The following SLC9C2 variants were observed in gnomAD, a reference collection of about 807,000 sequenced individuals.
SLC9C2 encodes the protein sodium/hydrogen exchanger 11.
SLC9C2 carries 75 observed loss-of-function variants against 140.2 expected under a neutral mutation model. That is an observed-to-expected ratio of 0.53 (90% confidence interval 0.44 to 0.65). The LOEUF (loss-of-function observed/expected upper bound fraction) is 0.65. SLC9C2 is among the 30% of genes least tolerant of loss of function. The probability of loss-of-function intolerance (pLI) is 0.00; values close to 1 mark genes in which losing one functional copy is unlikely to be tolerated. For synonymous variants in SLC9C2, 375 were observed against 420.9 expected (o/e 0.89, Z 1.34); for missense variants, 1,074 against 1,331.8 (o/e 0.81, Z 3.01).
intron 13 of SLC9C2, among the ~76,000 whole-genome samples, chr1:173,540,551 G>A (rs949858129): frequency 6.6e-6 from 1 of 152,186 alleles, no homozygotes; most frequent in African/African-American, 2.4e-5. Flanking sequence ...GAGCAGTGGG[G>A]AAACTGTAGC....
chr1:173,557,611 G>A lies in SLC9C2; in HGVS notation c.1047-103C>T, dbSNP rs1465330183. Reference sequence around the variant, plus strand: ...ACTAAATTTAATATAAAAATTTTCGGGAAAGAAAAAAACAATGCAATTTAC... The same window carrying A: ...ACTAAATTTAATATAAAAATTTTCGAGAAAGAAAAAAACAATGCAATTTAC... On this transcript the variant is annotated intron_variant, in intron 9 of 27. Coordinates refer to ENST00000367714, the MANE Select transcript of SLC9C2 (RefSeq NM_178527.4). 1.1e-5 allele frequency: 13 copies of A among 1,135,886 alleles called. No homozygotes were observed. The Admixed American group carries it at 1.9e-4, about 16-fold the overall frequency. The allele number at this position is 1,135,886 out of a possible 1,614,324, so 70.4% of individuals were successfully genotyped here. A position where few individuals can be genotyped will look rare whatever the true frequency, so the allele number is the denominator to read the frequency against.
intron 23 of SLC9C2, among the ~76,000 whole-genome samples, chr1:173,515,016 G>A (rs1372351925): frequency 6.6e-6 from 1 of 152,182 alleles, no homozygotes; most frequent in Admixed American, 6.5e-5. Flanking sequence ...TCGGCGGAGA[G>A]GTCCACTGTT....
At position 173,524,909 on chromosome 1, in the gene SLC9C2, C is replaced by T; in HGVS notation, c.2384G>A (p.Gly795Asp). Residue 795 changes from glycine to aspartate, a missense_variant, in exon 20 of 28, where the codon GGT (glycine) becomes GAT (aspartate). Gly to Asp is a moderately conservative substitution (Grantham distance 94). Transcript: ENST00000367714. ...VKELVLMEHE[G>D]RDVVIALKTK... is the part of the protein sequence containing the mutation. ...CTTCAAAGCAATGACAACATCACGA[C>T]CCTCATGCTCCATGAGTACTACAGC... 6.2e-7 allele frequency: 1 copy of T among 1,614,050 alleles called. No homozygotes were observed. Among genetic ancestry groups the T allele is most frequent in the African/African-American group, 1.3e-5 (1 of 75,028 alleles).
In SLC9C2 at chr1:173,500,596, A is replaced by G. The variant is rs186860058; in HGVS notation, c.*498T>C. 5 of 152,374 alleles carry G rather than the reference A, an allele frequency of 3.3e-5. No individual in the cohort carries two copies. In the East Asian group the frequency reaches 9.6e-4, roughly 29 times the overall value. The allele number at this position is 152,374 out of a possible 1,614,324, so 9.4% of individuals were successfully genotyped here. A position where few individuals can be genotyped will look rare whatever the true frequency, so the allele number is the denominator to read the frequency against. ...GAAAGCAAAAGTTACTTACTTACTG[A>G]AAGTTACTAAGATTGTGGAATATAA... On this transcript the variant is annotated 3_prime_UTR_variant, in exon 28 of 28. Coordinates refer to ENST00000367714, the MANE Select transcript of SLC9C2 (RefSeq NM_178527.4).
intron 8 of SLC9C2, 42 bp from the exon 9 acceptor site, chr1:173,573,367 T>C (rs1162601292): frequency 1.5e-6 from 2 of 1,334,024 alleles, no homozygotes; most frequent in Admixed American, 2.4e-5. Flanking sequence ...AGCAATCATC[T>C]TAAAAATATA....
intron 9 of SLC9C2, among the ~76,000 whole-genome samples, chr1:173,571,028 T>C (rs894273188): frequency 6.6e-6 from 1 of 152,202 alleles, no homozygotes; most frequent in Non-Finnish European, 1.5e-5. Context: ...TTTTGGTTCT[T>C]ATGAAGGTGC....
At chr1:173,556,764 A>AAAT (rs57193782) in intron 10 of SLC9C2, among the ~76,000 whole-genome samples, 2 of 151,192 alleles carry the variant, frequency 1.3e-5, no homozygotes, top group Non-Finnish European at 2.9e-5. Flanking sequence ...TAAAAATAAC[A>AAAT]AATAATAATA....
rs1458129181 is a variant in SLC9C2 at position 173,524,834 on chromosome 1, G to A, written c.2459C>T (p.Thr820Ile). Residue 820 changes from threonine (T) to isoleucine (I), a missense_variant, in exon 20 of 28, where the codon ACC becomes ATC. By Grantham distance (89) the Thr-to-Ile change is moderately conservative. Transcript: ENST00000367714. ...NVIAKALKNL[T>I]FLCSRGIIDK... Reference sequence around the variant, plus strand: ...AATAATGCCTCTTGAACAAAGGAAGGTGAGATTTTTTAGAGCTTTAGCAAT... The same window carrying A: ...AATAATGCCTCTTGAACAAAGGAAGATGAGATTTTTTAGAGCTTTAGCAAT... 6.2e-7 allele frequency: 1 copy of A among 1,614,066 alleles called. No homozygotes were observed. Among genetic ancestry groups the A allele is most frequent in the Non-Finnish European group, 8.5e-7 (1 of 1,179,952 alleles).
At chr1:173,541,199 G>C (rs1316353630) in intron 13 of SLC9C2, among the ~76,000 whole-genome samples, 1 of 151,918 alleles carries the variant, frequency 6.6e-6, no homozygotes. Context: ...AAAAAGCAGG[G>C]GTTGCAATCC....
chr1:173,583,699 G>T (rs1219120243), intron 5 of SLC9C2, 77 bp from the exon 6 acceptor site: 1 of 768,914 alleles, frequency 1.3e-6, no homozygotes. Context: ...AGAAACAGAA[G>T]AGAAAGAACA....
At chr1:173,502,540 C>G (rs1659358071) in intron 27 of SLC9C2, among the ~76,000 whole-genome samples, 1 of 152,166 alleles carries the variant, frequency 6.6e-6, no homozygotes, top group Non-Finnish European at 1.5e-5. Flanking sequence ...AAAATTGTCT[C>G]TATTCTGTCC....
chr1:173,536,819 G>A, intron 14 of SLC9C2, 123 bp downstream of exon 14: 3 of 691,724 alleles, frequency 4.3e-6, no homozygotes, highest in Non-Finnish European at 5.0e-6. Flanking sequence ...ACAGAAGATG[G>A]ATACATACAG....
Position 173,576,649 on chromosome 1 carries a change from T to C in SLC9C2, c.902+12A>G. On this transcript the variant is annotated intron_variant, in intron 8 of 27. Transcript: ENST00000367714. ...CTATGAGATCCATCGAAGGGCACGA[T>C]AGGAAACTTACTTAGTAATTACAAG... The C allele has an allele frequency of 1.3e-6, 2 of 1,569,176 alleles. No homozygotes were observed. Among genetic ancestry groups the C allele is most frequent in the Non-Finnish European group, 1.7e-6 (2 of 1,143,772 alleles).
At chr1:173,576,340 G>A (rs928787865) in intron 8 of SLC9C2, among the ~76,000 whole-genome samples, 2 of 151,944 alleles carry the variant, frequency 1.3e-5, no homozygotes, top group African/African-American at 4.8e-5. Context: ...TTAATATACT[G>A]TTATTTAGGT....
intron 23 of SLC9C2, among the ~76,000 whole-genome samples, chr1:173,510,108 T>C (rs1238068874): frequency 2.6e-5 from 4 of 152,194 alleles, no homozygotes; most frequent in South Asian, 2.1e-4. Flanking sequence ...AAAGATACAC[T>C]TTCAGATTCA....
At chr1:173,582,205 G>A (rs906669060) in intron 6 of SLC9C2, among the ~76,000 whole-genome samples, 197 bp from the exon 7 acceptor site, 7 of 152,202 alleles carry the variant, frequency 4.6e-5, no homozygotes, top group Non-Finnish European at 8.8e-5. Flanking sequence ...CTTACAGTCC[G>A]CAGCTTAAGG....
Position 173,547,859 on chromosome 1 carries a change from C to A in SLC9C2, c.1462-75G>T. ...ATAAGTAAAAATGATTAGGAACTGGCAAATACTACTCTCAACAAAGATTCC... is the reference window on the plus strand; with the variant it reads ...ATAAGTAAAAATGATTAGGAACTGGAAAATACTACTCTCAACAAAGATTCC... On this transcript the variant is annotated intron_variant, in intron 12 of 27. Coordinates refer to ENST00000367714, the MANE Select transcript of SLC9C2 (RefSeq NM_178527.4). The A allele has an allele frequency of 3.0e-6, 3 of 1,006,720 alleles. 1 individual carries two copies. Among genetic ancestry groups the A allele is most frequent in the South Asian group, 3.0e-5 (2 of 67,344 alleles). 62.4% of individuals were successfully genotyped at this position (1,006,720 alleles called of 1,614,324 possible).
chr1:173,517,828 G>A (rs974626738), intron 22 of SLC9C2, 124 bp from the exon 23 acceptor site: 1 of 788,130 alleles, frequency 1.3e-6, no homozygotes. Flanking sequence ...TGTCAGGTGT[G>A]AAAGAAGAAT....
chr1:173,588,910 CA>C (rs35708187), intron 4 of SLC9C2, among the ~76,000 whole-genome samples: 23 of 143,502 alleles, frequency 1.6e-4, no homozygotes, highest in African/African-American at 2.3e-4. Context: ...CCCACCTCTA[CA>C]AAAAAAAAAA....
Sources: gnomAD v4.1 joint callset for allele counts (sites outside exome capture counted in the v4.1 genomes callset) on GRCh38, gnomAD v4.1.1 for gene constraint, MANE v1.5 for transcripts, NCBI Gene and HGNC (gene_info 2026-07-23, HGNC 2026-07-21) for gene names.